Variants in ARFGAP3 observed in about 807,000 individuals in gnomAD.
The protein encoded by ARFGAP3 is ARF GTPase activating protein 3.
Under a neutral mutation model 75.0 loss-of-function variants are expected in ARFGAP3, and 72 were observed. The ratio of observed to expected loss-of-function variants is 0.96; its 90% CI spans 0.79 to 1.17. The LOEUF (loss-of-function observed/expected upper bound fraction) is 1.17, where lower values mean the gene tolerates loss of function less well. Among genes scored for constraint, ARFGAP3 ranks in the 50% most tolerant of loss-of-function variants. The probability of loss-of-function intolerance (pLI) is 0.00; values close to 1 mark genes in which losing one functional copy is unlikely to be tolerated. For synonymous variants in ARFGAP3, 221 were observed against 217.9 expected (o/e 1.01, Z -0.13); for missense variants, 620 against 626.6 (o/e 0.99, Z 0.11).
chr22:42,854,728 T>C (rs1927424572), intron 1 of ARFGAP3, among the ~76,000 whole-genome samples: 1 of 152,218 alleles, frequency 6.6e-6, no homozygotes, highest in Non-Finnish European at 1.5e-5. Flanking sequence ...GATACCATGT[T>C]CTAAAAGTAA....
At chr22:42,806,022 C>A (rs148736576) in intron 14 of ARFGAP3, among the ~76,000 whole-genome samples, 80 of 152,354 alleles carry the variant, frequency 5.3e-4, no homozygotes, top group South Asian at 1.7e-3. Flanking sequence ...AGACCTCTCT[C>A]GAGCTGTTTC....
intron 14 of ARFGAP3, among the ~76,000 whole-genome samples, chr22:42,802,875 C>T (rs1473156190): frequency 1.3e-5 from 2 of 152,150 alleles, no homozygotes; most frequent in Non-Finnish European, 2.9e-5. Flanking sequence ...GCTGGGATTA[C>T]AGGCGTGAGC....
At chr22:42,838,290 A>ATT (rs1555899058) in intron 3 of ARFGAP3, among the ~76,000 whole-genome samples, 2,829 of 137,160 alleles carry the variant, frequency 0.021, 51 homozygotes, top group Non-Finnish European at 0.028. Context: ...ATATATATAT[A>ATT]TTTTTTTTTT....
At chr22:42,838,100 T>C (rs1926608485) in intron 3 of ARFGAP3, among the ~76,000 whole-genome samples, 1 of 152,020 alleles carries the variant, frequency 6.6e-6, no homozygotes, top group African/African-American at 2.4e-5. Context: ...TTCCTTAGTA[T>C]TTAATTTATC....
chr22:42,848,358 G>A lies in ARFGAP3; in HGVS notation c.70-726C>T, dbSNP rs148099321. 2.3e-3 allele frequency among the ~76,000 whole-genome samples: 348 copies of A among 152,158 alleles called. 3 individuals are homozygous for A. Among genetic ancestry groups the A allele is most frequent in the African/African-American group, 8.0e-3 (331 of 41,496 alleles). ...TGAGTAGCTGGGACTACAGGCGCCC[G>A]CCACCGCACCCGGCTAATTTTTTGT... is the stretch of plus-strand genomic sequence containing the variant. On this transcript the variant is annotated intron_variant, in intron 1 of 15. Coordinates refer to ENST00000263245, the MANE Select transcript of ARFGAP3 (RefSeq NM_014570.5).
chr22:42,824,916 C>A (rs1048819549), intron 7 of ARFGAP3, among the ~76,000 whole-genome samples: 5 of 152,144 alleles, frequency 3.3e-5, no homozygotes, highest in Non-Finnish European at 7.3e-5. Flanking sequence ...AGATTTAGCC[C>A]CCACTTATAA....
At chr22:42,836,064 ACTCCACCTCCTGGGCTCAAGTGATCC>A (rs531461862) in intron 3 of ARFGAP3, among the ~76,000 whole-genome samples, 7 of 146,194 alleles carry the variant, frequency 4.8e-5, no homozygotes, top group African/African-American at 1.8e-4. Flanking sequence ...TTCACTGCAA[ACTCCACCTCCTGGGCTCAAGTGATCC>A]CACCACCTCA....
intron 14 of ARFGAP3, 132 bp from the exon 15 acceptor site, chr22:42,799,292 A>C (rs1236295860): frequency 6.8e-7 from 1 of 1,468,122 alleles, no homozygotes; most frequent in Non-Finnish European, 9.0e-7. Context: ...GGGGCCCAAC[A>C]GTGGGATGGA....
At chr22:42,846,038 C>CAAAAAAAAA (rs60266541) in intron 2 of ARFGAP3, among the ~76,000 whole-genome samples, 2 of 88,106 alleles carry the variant, frequency 2.3e-5, no homozygotes, top group Non-Finnish European at 2.2e-5. Flanking sequence ...AACTCCATCT[C>CAAAAAAAAA]AAAAAAAAAA....
intron 7 of ARFGAP3, 169 bp from the exon 8 acceptor site, chr22:42,823,871 A>T: frequency 1.7e-6 from 1 of 576,508 alleles, no homozygotes; most frequent in Non-Finnish European, 2.2e-6. Context: ...TTTTGGATTA[A>T]CAGAACTTTG....
intron 11 of ARFGAP3, 52 bp downstream of exon 11, chr22:42,817,090 C>A (rs1925606963): frequency 4.9e-6 from 6 of 1,219,550 alleles, no homozygotes; most frequent in South Asian, 1.2e-5. Flanking sequence ...TAAATCCATA[C>A]TAGTCACTGC....
intron 5 of ARFGAP3, among the ~76,000 whole-genome samples, chr22:42,833,790 C>T (rs1926399529): frequency 6.6e-6 from 1 of 152,122 alleles, no homozygotes. Flanking sequence ...TTGGTGCGCA[C>T]CTGTAGTCCC....
intron 11 of ARFGAP3, among the ~76,000 whole-genome samples, chr22:42,815,076 G>A (rs1421585246): frequency 2.0e-5 from 3 of 152,128 alleles, no homozygotes; most frequent in African/African-American, 7.2e-5. Flanking sequence ...ATCTGCAGAA[G>A]TTGCTAATAA....
intron 2 of ARFGAP3, 145 bp from the exon 3 acceptor site, chr22:42,841,161 G>T (rs1926764650): frequency 7.0e-7 from 1 of 1,429,280 alleles, no homozygotes; most frequent in African/African-American, 1.4e-5. Flanking sequence ...CTTTTGGGAT[G>T]CTAGGACTCC....
At position 42,841,759 on chromosome 22, in the gene ARFGAP3, G is replaced by A. The variant is rs544028856; in HGVS notation, c.189-743C>T. 1.7e-3 allele frequency among the ~76,000 whole-genome samples: 253 copies of A among 152,180 alleles called. 2 individuals are homozygous for A. The highest frequency in any genetic ancestry group is 5.9e-3 in the African/African-American group (243 of 41,508). On this transcript the variant is annotated intron_variant, in intron 2 of 15. Transcript: ENST00000263245. ...AAGGAATGTGGATATTTTAGAATGA[G>A]TATAGGCAGAATACCTTTTACAAAA...
intron 5 of ARFGAP3, among the ~76,000 whole-genome samples, chr22:42,832,738 C>A (rs113177313): frequency 2.6e-5 from 4 of 152,064 alleles, no homozygotes; most frequent in African/African-American, 9.6e-5. Context: ...ATAATCCCAG[C>A]ACTTTAGGAG....
intron 2 of ARFGAP3, among the ~76,000 whole-genome samples, chr22:42,843,507 T>C (rs1211048791): frequency 6.6e-6 from 1 of 152,172 alleles, no homozygotes; most frequent in African/African-American, 2.4e-5. Flanking sequence ...GTGCTGGGAT[T>C]ACAGGCGCAA....
chr22:42,812,947 C>T (rs922747396), intron 11 of ARFGAP3, among the ~76,000 whole-genome samples: 10 of 152,240 alleles, frequency 6.6e-5, no homozygotes, highest in Non-Finnish European at 1.2e-4. Context: ...AGAGAGATGA[C>T]CGATCCCCTT....
chr22:42,811,497 A>C (rs575137391), intron 11 of ARFGAP3, among the ~76,000 whole-genome samples: 1 of 152,354 alleles, frequency 6.6e-6, no homozygotes, highest in Admixed American at 6.5e-5. Context: ...CTGACTCCAT[A>C]CAAGGAGCTT....
Sources: gnomAD v4.1 joint callset for allele counts (sites outside exome capture counted in the v4.1 genomes callset) on GRCh38, gnomAD v4.1.1 for gene constraint, MANE v1.5 for transcripts, NCBI Gene and HGNC (gene_info 2026-07-23, HGNC 2026-07-21) for gene names.